The following SLC6A3 variants were observed in gnomAD, a reference collection of about 807,000 sequenced individuals.
SLC6A3 encodes the protein sodium-dependent dopamine transporter.
In SLC6A3, 19 loss-of-function variants were observed where a neutral mutation model predicts 70.4. That is an observed-to-expected ratio of 0.27 (90% CI 0.19 to 0.40). The LOEUF is 0.40. Among genes scored for constraint, SLC6A3 ranks in the 10% least tolerant of loss-of-function variants. SLC6A3 has a pLI of 1.00. For synonymous variants in SLC6A3, 368 were observed against 356.6 expected (o/e 1.03, Z -0.36); for missense variants, 613 against 838.5 (o/e 0.73, Z 3.32).
intron 10 of SLC6A3, 33 bp downstream of exon 10, chr5:1,409,688 C>T (rs766523951): frequency 6.2e-7 from 1 of 1,612,270 alleles, no homozygotes; most frequent in Non-Finnish European, 8.5e-7. Flanking sequence ...GGAGACATGA[C>T]CAGGAGAAGG....
In SLC6A3 at chr5:1,443,050, G is replaced by A; in HGVS notation, c.148C>T (p.Pro50Ser). 6.2e-7 allele frequency: 1 copy of A among 1,614,216 alleles called. No homozygotes were observed. The change falls in exon 2 of 15, where the codon CCG becomes TCG. Residue 50 changes from proline to serine, a missense_variant. Around this residue, in one of 4 missense-constraint regions of SLC6A3, gnomAD observed 111 missense variants for 91.6 expected, o/e 1.21. Coordinates refer to ENST00000270349, the MANE Select transcript of SLC6A3 (RefSeq NM_001044.5). ...TGGGCCTCCACGGGGCTCTGCCGCG[G>A]GTTGGTGAGGGTGGAGCTGGTGAGC... ...VQLTSSTLTN[P>S]RQSPVEAQDR...
At position 1,442,131 on chromosome 5, in the gene SLC6A3, C is replaced by T. The variant is rs1039023699; in HGVS notation, c.287-641G>A. Among the ~76,000 whole-genome samples the T allele has an allele frequency of 6.6e-6, 1 of 152,158 alleles. No homozygotes were observed. The highest frequency in any genetic ancestry group is 2.1e-4 in the South Asian group (1 of 4,828). ...CTGGTCTGACTGGAGTGAGGGAGAG[C>T]TTTGCCACTCTCTCTCCTGGGGAAG... On this transcript the variant is annotated intron_variant, in intron 2 of 14. Coordinates refer to ENST00000270349, the MANE Select transcript of SLC6A3 (RefSeq NM_001044.5). The surrounding 1 kb of genome is among the most constrained non-coding windows in gnomAD (Gnocchi z 5.0).
At chr5:1,409,280 G>A (rs1328554923) in intron 10 of SLC6A3, among the ~76,000 whole-genome samples, 155 bp from the exon 11 acceptor site, 1 of 152,206 alleles carries the variant, frequency 6.6e-6, no homozygotes, top group African/African-American at 2.4e-5. Flanking sequence ...TTAGGGCCAC[G>A]TGTATTACAA....
rs1560902397 is a variant in SLC6A3 at position 1,394,666 on chromosome 5, GA to G, written c.*68del. The G allele has an allele frequency of 4.6e-6, 7 of 1,511,046 alleles. No individual in the cohort carries two copies. The highest frequency in any genetic ancestry group is 6.4e-6 in the Non-Finnish European group (7 of 1,086,080). The allele number at this position is 1,511,046 out of a possible 1,614,324, so 93.6% of individuals were successfully genotyped here. A position where few individuals can be genotyped will look rare whatever the true frequency, so the allele number is the denominator to read the frequency against. On this transcript the variant is annotated 3_prime_UTR_variant, in exon 15 of 15. Coordinates refer to ENST00000270349, the MANE Select transcript of SLC6A3 (RefSeq NM_001044.5). The surrounding 1 kb of genome is among the most constrained non-coding windows in gnomAD (Gnocchi z 4.7). The stretch of plus-strand genomic sequence containing the variant: ...TTGCCCTCCTTTCTCTCGAAACTTA[GA>G]TTTCCTTGGTTTGTTCGTGTCTCTC...
chr5:1,416,211 C>T lies in SLC6A3; in HGVS notation c.928-10G>A, dbSNP rs1461556887. 6.2e-7 allele frequency: 1 copy of T among 1,609,150 alleles called. No individual in the cohort carries two copies. Among genetic ancestry groups the T allele is most frequent in the African/African-American group, 1.3e-5 (1 of 74,838 alleles). ...CCGCGTCAATCCAAACCTGCAGAGC[C>T]AGAGGGCGGTGAGAGGCTGTCCCAG... On this transcript the variant is annotated splice_polypyrimidine_tract_variant and intron_variant, in intron 6 of 14. Transcript: ENST00000270349.
rs114437628 is a variant in SLC6A3 at position 1,438,736 on chromosome 5, C to T, written c.418+2623G>A. Among the ~76,000 whole-genome samples, 724 of 152,244 alleles carry T rather than the reference C, an allele frequency of 4.8e-3. 6 individuals carry two copies. The highest frequency in any genetic ancestry group is 0.016 in the African/African-American group (668 of 41,536). On this transcript the variant is annotated intron_variant, in intron 3 of 14. Transcript: ENST00000270349. The surrounding 1 kb of genome is among the most constrained non-coding windows in gnomAD (Gnocchi z 6.5). ...CTTGCTCCAACACCAGGCTCACTGG[C>T]GGGAGTGGGGCACAGGGCTGTGCCT...
rs535294148 is a variant in SLC6A3, at chr5:1,421,921, C to A, written c.747G>T (p.Val249=). 6.2e-7 allele frequency: 1 copy of A among 1,613,310 alleles called. No individual in the cohort carries two copies. Among genetic ancestry groups the A allele is most frequent in the East Asian group, 2.2e-5 (1 of 44,892 alleles). Residue 249 remains valine, a synonymous_variant, in exon 5 of 15, where the codon GTG becomes GTT. Transcript: ENST00000270349. This position sits in a 1 kb window ranked among gnomAD's most constrained non-coding sequence, Gnocchi z 7.2. ...CCTTCCAGAGGCTGAAGTAGAGCAGCACGATGACCAGCACCAGGCAGGCTG... is the reference window on the plus strand; with the variant it reads ...CCTTCCAGAGGCTGAAGTAGAGCAGAACGATGACCAGCACCAGGCAGGCTG... The part of the protein sequence containing the change: ...QLTACLVLVI[V]LLYFSLWKGV...
rs769500824 is a variant in SLC6A3, at chr5:1,416,189, C to A, written c.940G>T (p.Ala314Ser). Residue 314 changes from alanine (A) to serine (S), a missense_variant, in exon 7 of 15, where the codon GCG becomes TCG. This residue lies in a region of SLC6A3 where 348 missense variants were observed against 481.2 expected (regional missense o/e 0.72). Coordinates refer to ENST00000270349, the MANE Select transcript of SLC6A3 (RefSeq NM_001044.5). ...RLCEASVWID[A>S]ATQVCFSLGV... ...AGGGAGAAGCACACCTGGGTGGCCG[C>A]GTCAATCCAAACCTGCAGAGCCAGA... 1 of 1,613,206 alleles carries A rather than the reference C, an allele frequency of 6.2e-7. No individual in the cohort carries two copies. The highest frequency in any genetic ancestry group is 8.5e-7 in the Non-Finnish European group (1 of 1,179,918).
At position 1,421,869 on chromosome 5, in the gene SLC6A3, G is replaced by T. The variant is rs370881183; in HGVS notation, c.792+7C>A. On this transcript the variant is annotated splice_region_variant and intron_variant, in intron 5 of 14. Transcript: ENST00000270349. The surrounding 1 kb of genome is among the most constrained non-coding windows in gnomAD (Gnocchi z 7.2). ...TACAGGCCCAATTGGTGACCCCCGA[G>T]CCTCACCTTCCCTGAGGTCTTCACG... is the stretch of plus-strand genomic sequence containing the variant. 2 of 1,613,160 alleles carry T rather than the reference G, an allele frequency of 1.2e-6. No homozygotes were observed. The highest frequency in any genetic ancestry group is 3.3e-4 in the Middle Eastern group (2 of 6,062).
intron 1 of SLC6A3, among the ~76,000 whole-genome samples, chr5:1,445,106 CCTGG>C: frequency 1.3e-5 from 2 of 152,202 alleles, no homozygotes; most frequent in Non-Finnish European, 2.9e-5. Flanking sequence ...CGGTTCTGAG[CCTGG>C]AGCGGGGCCA....
At chr5:1,420,261 C>A (rs188880091) in intron 6 of SLC6A3, among the ~76,000 whole-genome samples, 3 of 152,348 alleles carry the variant, frequency 2.0e-5, no homozygotes, top group African/African-American at 7.2e-5. Context: ...CCTTTCTGGA[C>A]AAGGGTCCCA....
rs150316308 is a variant in SLC6A3, at chr5:1,397,227, T to A, written c.1840-2469A>T. Among the ~76,000 whole-genome samples, 3 of 152,290 alleles carry A rather than the reference T, an allele frequency of 2.0e-5. No individual in the cohort carries two copies. The East Asian group carries it at 5.8e-4, about 29-fold the overall frequency. On this transcript the variant is annotated intron_variant, in intron 14 of 14. Coordinates refer to ENST00000270349, the MANE Select transcript of SLC6A3 (RefSeq NM_001044.5). The surrounding 1 kb of genome is among the most constrained non-coding windows in gnomAD (Gnocchi z 4.7). The stretch of plus-strand genomic sequence containing the variant: ...TGCAAAATTCACAGAATGACAAGAT[T>A]TGTGAATCCACAGATCTGGCCACAA...
chr5:1,397,687 A>G lies in SLC6A3; in HGVS notation c.1840-2929T>C, dbSNP rs1234272009. Reference sequence around the variant, plus strand: ...TGCTTTCGTGAATGAGAGCAGCATAAAGATGTTCCCACACACCAATAGTGA... The same window carrying G: ...TGCTTTCGTGAATGAGAGCAGCATAGAGATGTTCCCACACACCAATAGTGA... On this transcript the variant is annotated intron_variant, in intron 14 of 14. Coordinates refer to ENST00000270349, the MANE Select transcript of SLC6A3 (RefSeq NM_001044.5). The surrounding 1 kb of genome is among the most constrained non-coding windows in gnomAD (Gnocchi z 4.7). Among the ~76,000 whole-genome samples, 1 of 152,196 alleles carries G rather than the reference A, an allele frequency of 6.6e-6. No individual in the cohort carries two copies. The highest frequency in any genetic ancestry group is 1.5e-5 in the Non-Finnish European group (1 of 68,030).
Position 1,411,596 on chromosome 5 carries a change from T to C in SLC6A3, c.1157-241A>G, listed in dbSNP as rs1756128376. ...GCCCACCACCCAGCAATGGGGCTCC[T>C]CCAAATTACCTGGGTCCTTTTGGGC... On this transcript the variant is annotated intron_variant, in intron 8 of 14. Coordinates refer to ENST00000270349, the MANE Select transcript of SLC6A3 (RefSeq NM_001044.5). This position sits in a 1 kb window ranked among gnomAD's most constrained non-coding sequence, Gnocchi z 6.5. Among the ~76,000 whole-genome samples the C allele has an allele frequency of 6.6e-6, 1 of 152,168 alleles. No individual in the cohort carries two copies. Among genetic ancestry groups the C allele is most frequent in the African/African-American group, 2.4e-5 (1 of 41,452 alleles).
rs1174648490 is a variant in SLC6A3, at chr5:1,406,617, T to G, written c.1499-329A>C. Among the ~76,000 whole-genome samples, 1 of 149,292 alleles carries G rather than the reference T, an allele frequency of 6.7e-6. No homozygotes were observed. Among genetic ancestry groups the G allele is most frequent in the Non-Finnish European group, 1.5e-5 (1 of 65,962 alleles). On this transcript the variant is annotated intron_variant, in intron 11 of 14. Coordinates refer to ENST00000270349, the MANE Select transcript of SLC6A3 (RefSeq NM_001044.5). The surrounding 1 kb of genome is among the most constrained non-coding windows in gnomAD (Gnocchi z 8.8). ...TGTCTCCCTCTGCTGCTGGTACTTC[T>G]TGTTCACTTAAAAAGATTATGGTAA...
intron 4 of SLC6A3, among the ~76,000 whole-genome samples, chr5:1,424,777 C>T (rs1756540974): frequency 6.6e-6 from 1 of 152,250 alleles, no homozygotes; most frequent in East Asian, 1.9e-4. Flanking sequence ...CCTTGACACA[C>T]TGGGTCGAGC....
intron 4 of SLC6A3, among the ~76,000 whole-genome samples, chr5:1,428,217 A>G (rs1396033917): frequency 3.3e-5 from 5 of 152,230 alleles, no homozygotes; most frequent in African/African-American, 4.8e-5. Flanking sequence ...AAATATTTCA[A>G]ATTAAACAAC....
At chr5:1,426,521 AAC>A (rs1756579796) in intron 4 of SLC6A3, among the ~76,000 whole-genome samples, 1 of 152,212 alleles carries the variant, frequency 6.6e-6, no homozygotes. Flanking sequence ...CAGCCTGGAC[AAC>A]AGAGTGAGAT....
chr5:1,425,411 A>G (rs938309520), intron 4 of SLC6A3, among the ~76,000 whole-genome samples: 15 of 152,276 alleles, frequency 9.9e-5, no homozygotes, highest in Middle Eastern at 3.2e-3. Context: ...ACCCATTAGT[A>G]TAAAACTCAC....
Sources: allele counts gnomAD v4.1 joint callset (sites outside exome capture counted in the v4.1 genomes callset), GRCh38; gene constraint gnomAD v4.1.1; regional missense constraint gnomAD v4.1.1; non-coding constraint Gnocchi (gnomAD v3.1); transcripts MANE v1.5; gene names NCBI Gene and HGNC (gene_info 2026-07-23, HGNC 2026-07-21).